The following SNRK variants were observed in gnomAD, a reference collection of about 807,000 sequenced individuals.
SNRK encodes the protein SNF related kinase.
A neutral mutation model predicts 48.2 loss-of-function variants in SNRK; 3 were observed. That is an observed-to-expected ratio of 0.06 (90% confidence interval 0.03 to 0.16). The LOEUF (loss-of-function observed/expected upper bound fraction) is 0.16, where lower values mean the gene tolerates loss of function less well. SNRK is among the 10% of genes least tolerant of loss of function. The pLI, the probability that SNRK is intolerant of heterozygous loss-of-function variation, is 1.00. For missense variants in SNRK, 627 were observed against 976.0 expected, an observed-to-expected ratio of 0.64 and a Z score of 4.76; for synonymous variants, 376 against 366.1, an observed-to-expected ratio of 1.03 and a Z score of -0.31.
chr3:43,309,377 G>C (rs2090961502), intron 3 of SNRK, among the ~76,000 whole-genome samples: 2 of 152,180 alleles, frequency 1.3e-5, no homozygotes, highest in African/African-American at 2.4e-5. Flanking sequence ...CAGTTCTACT[G>C]TAGGTAAAAT....
At chr3:43,312,575 GAAAC>G (rs1308401583) in intron 3 of SNRK, among the ~76,000 whole-genome samples, 3 of 152,124 alleles carry the variant, frequency 2.0e-5, no homozygotes, top group African/African-American at 7.2e-5. Flanking sequence ...CCTAAGTTGA[GAAAC>G]AAGGCAAGGA....
chr3:43,321,567 A>G lies in SNRK; in HGVS notation c.590-10602A>G, dbSNP rs184124115. 8.4e-4 allele frequency among the ~76,000 whole-genome samples: 128 copies of G among 152,282 alleles called. 1 individual carries two copies. The highest frequency in any genetic ancestry group is 2.9e-3 in the African/African-American group (119 of 41,550). Reference sequence around the variant, plus strand: ...CCCTTATTTAGTTAATTTTACGTATAATTCTAGCAAGTTCAGTAAATTCGT... The same window carrying G: ...CCCTTATTTAGTTAATTTTACGTATGATTCTAGCAAGTTCAGTAAATTCGT... On this transcript the variant is annotated intron_variant, in intron 3 of 6. Coordinates refer to ENST00000296088, the MANE Select transcript of SNRK (RefSeq NM_017719.5).
intron 3 of SNRK, among the ~76,000 whole-genome samples, chr3:43,325,040 A>G (rs2091085079): frequency 6.6e-6 from 1 of 152,342 alleles, no homozygotes; most frequent in African/African-American, 2.4e-5. Flanking sequence ...GCTTTTTGAA[A>G]GAGAACCCAT....
intron 3 of SNRK, among the ~76,000 whole-genome samples, chr3:43,325,255 TC>T (rs2091087023): frequency 6.6e-6 from 1 of 152,214 alleles, no homozygotes; most frequent in South Asian, 2.1e-4. Flanking sequence ...AAGCTCTGCC[TC>T]CCGGGTTCAC....
intron 5 of SNRK, 163 bp downstream of exon 5, chr3:43,340,662 C>A: frequency 1.5e-6 from 1 of 660,604 alleles, no homozygotes; most frequent in Non-Finnish European, 2.5e-6. Flanking sequence ...GGGCCTGACA[C>A]AGGTTTTTTT....
chr3:43,309,640 A>G (rs2090964634), intron 3 of SNRK, among the ~76,000 whole-genome samples: 1 of 147,086 alleles, frequency 6.8e-6, no homozygotes, highest in Non-Finnish European at 1.5e-5. Context: ...TCTTTGAGAT[A>G]GGGACTCTCT....
chr3:43,291,509 C>A (rs1193742051), intron 1 of SNRK, among the ~76,000 whole-genome samples: 1 of 152,096 alleles, frequency 6.6e-6, no homozygotes, highest in Admixed American at 6.5e-5. Flanking sequence ...ATACTGTAAT[C>A]TCATGGGAGG....
intron 3 of SNRK, among the ~76,000 whole-genome samples, chr3:43,320,645 T>C (rs1159565381): frequency 6.6e-6 from 1 of 151,922 alleles, no homozygotes; most frequent in Non-Finnish European, 1.5e-5. Flanking sequence ...GCCAAGCTTG[T>C]ATTGTATCAG....
chr3:43,338,867 C>T lies in SNRK; in HGVS notation c.732-1420C>T, dbSNP rs536420611. ...TAGCTTTATTTATAGTATAAAGTAT[C>T]ATCTTTAGTTCCCTGGCTATATTAT... On this transcript the variant is annotated intron_variant, in intron 4 of 6. Transcript: ENST00000296088. Among the ~76,000 whole-genome samples the T allele has an allele frequency of 6.6e-5, 10 of 152,134 alleles. No homozygotes were observed. The South Asian group carries it at 2.1e-3, about 32-fold the overall frequency.
chr3:43,330,891 C>G (rs926557615), intron 3 of SNRK, among the ~76,000 whole-genome samples: 3 of 152,138 alleles, frequency 2.0e-5, no homozygotes, highest in African/African-American at 7.2e-5. Flanking sequence ...TCATTAGTTT[C>G]CATCAGAGTA....
intron 3 of SNRK, among the ~76,000 whole-genome samples, chr3:43,317,483 G>A (rs1261317669): frequency 1.3e-5 from 2 of 152,208 alleles, no homozygotes. Context: ...TACAATTCAA[G>A]TTGGATCATA....
Position 43,286,561 on chromosome 3 carries a change from C to A in SNRK, c.-283C>A, listed in dbSNP as rs1021673343. On this transcript the variant is annotated 5_prime_UTR_variant, in exon 1 of 7. Coordinates refer to ENST00000296088, the MANE Select transcript of SNRK (RefSeq NM_017719.5). Reference sequence around the variant, plus strand: ...GCGCAGCTACCCGGCACCCCCTCCCCGCGGCCGGCAGCCCGCTCGGTATTA... The same window carrying A: ...GCGCAGCTACCCGGCACCCCCTCCCAGCGGCCGGCAGCCCGCTCGGTATTA... 1 of 151,014 alleles carries A rather than the reference C, an allele frequency of 6.6e-6. No homozygotes were observed. The highest frequency in any genetic ancestry group is 6.6e-5 in the Admixed American group (1 of 15,152). The allele number at this position is 151,014 out of a possible 1,614,324, so 9.4% of individuals were successfully genotyped here.
chr3:43,335,778 C>T (rs753052147), intron 4 of SNRK, among the ~76,000 whole-genome samples: 33 of 152,116 alleles, frequency 2.2e-4, no homozygotes, highest in Non-Finnish European at 3.7e-4. Context: ...GTCGTATCTT[C>T]CCATTCTATC....
chr3:43,337,884 G>C (rs1339648319), intron 4 of SNRK, among the ~76,000 whole-genome samples: 1 of 151,970 alleles, frequency 6.6e-6, no homozygotes, highest in Non-Finnish European at 1.5e-5. Flanking sequence ...GGGATTATGG[G>C]GATTATAATT....
chr3:43,308,719 A>C (rs1394500668), intron 3 of SNRK, among the ~76,000 whole-genome samples: 5 of 152,180 alleles, frequency 3.3e-5, no homozygotes, highest in Non-Finnish European at 5.9e-5. Flanking sequence ...TGTACAAGGA[A>C]ATTGATGTTG....
intron 6 of SNRK, among the ~76,000 whole-genome samples, chr3:43,344,644 A>C (rs745641718): frequency 2.6e-4 from 39 of 152,232 alleles, no homozygotes; most frequent in Non-Finnish European, 4.9e-4. Flanking sequence ...AACTTTATTC[A>C]TATCTTGGAT....
At chr3:43,329,088 C>T (rs1027644389) in intron 3 of SNRK, among the ~76,000 whole-genome samples, 10 of 152,154 alleles carry the variant, frequency 6.6e-5, no homozygotes, top group East Asian at 3.8e-4. Flanking sequence ...TGGTTAAAGT[C>T]GTAGCGCTCT....
chr3:43,298,505 T>C (rs543040384), intron 1 of SNRK, among the ~76,000 whole-genome samples: 18 of 152,296 alleles, frequency 1.2e-4, no homozygotes, highest in African/African-American at 4.3e-4. Context: ...CCACATTCCC[T>C]CATTCCTGGC....
chr3:43,316,957 C>G (rs948009748), intron 3 of SNRK, among the ~76,000 whole-genome samples: 1 of 152,058 alleles, frequency 6.6e-6, no homozygotes, highest in Non-Finnish European at 1.5e-5. Flanking sequence ...GTTCATAGTA[C>G]CTTTGCAGTT....
Sources: allele counts gnomAD v4.1 joint callset (sites outside exome capture counted in the v4.1 genomes callset), GRCh38; gene constraint gnomAD v4.1.1; transcripts MANE v1.5; gene names NCBI Gene and HGNC (gene_info 2026-07-23, HGNC 2026-07-21).